Variants in RABGAP1L observed in about 807,000 individuals in gnomAD.
The protein encoded by RABGAP1L is rab GTPase-activating protein 1-like.
A neutral mutation model predicts 137.7 loss-of-function variants in RABGAP1L; 63 were observed. That is an observed-to-expected ratio of 0.46 (90% CI 0.37 to 0.56). The LOEUF (loss-of-function observed/expected upper bound fraction) is 0.56. Ranked by LOEUF, RABGAP1L falls within the 20% of genes least tolerant of loss-of-function variation. RABGAP1L has a pLI of 0.00. For synonymous variants in RABGAP1L, 431 were observed against 433.7 expected (o/e 0.99, Z 0.08); for missense variants, 1,095 against 1,244.0 (o/e 0.88, Z 1.80).
intron 20 of RABGAP1L, among the ~76,000 whole-genome samples, chr1:174,960,352 T>G (rs1668978925): frequency 6.6e-6 from 1 of 152,232 alleles, no homozygotes; most frequent in Admixed American, 6.5e-5. Flanking sequence ...GTCATACTTC[T>G]TGCTACATCT....
At chr1:174,173,293 G>T (rs1278633256) in intron 1 of RABGAP1L, among the ~76,000 whole-genome samples, 9 of 151,872 alleles carry the variant, frequency 5.9e-5, no homozygotes, top group Non-Finnish European at 4.4e-5. Flanking sequence ...ACCATGCCCG[G>T]CTAGTTTTGT....
chr1:174,474,102 C>T (rs539217397), intron 13 of RABGAP1L, among the ~76,000 whole-genome samples: 1 of 152,172 alleles, frequency 6.6e-6, no homozygotes, highest in Non-Finnish European at 1.5e-5. Flanking sequence ...AATTTTAGAT[C>T]CTCAGTGCTT....
At chr1:174,547,473 T>C (rs1267465233) in intron 13 of RABGAP1L, among the ~76,000 whole-genome samples, 4 of 152,058 alleles carry the variant, frequency 2.6e-5, no homozygotes, top group Non-Finnish European at 5.9e-5. Flanking sequence ...AAAAATTAGC[T>C]GGATGTGATA....
intron 11 of RABGAP1L, among the ~76,000 whole-genome samples, chr1:174,327,856 C>A (rs893461324): frequency 6.7e-6 from 1 of 150,052 alleles, no homozygotes; most frequent in Non-Finnish European, 1.5e-5. Context: ...ATATTTCTAT[C>A]TGATAAATGG....
chr1:174,719,352 C>T (rs1181564299), intron 17 of RABGAP1L, among the ~76,000 whole-genome samples: 2 of 152,108 alleles, frequency 1.3e-5, no homozygotes, highest in East Asian at 3.9e-4. Context: ...AACTGTCTTC[C>T]TATCTTCAAC....
At position 174,246,900 on chromosome 1, in the gene RABGAP1L, A is replaced by G. The variant is rs76464348; in HGVS notation, c.718-3575A>G. On this transcript the variant is annotated intron_variant, in intron 5 of 25. Coordinates refer to ENST00000681986, the MANE Select transcript of RABGAP1L (RefSeq NM_001366446.1). ...TTATTCACAGACTCTAGAATTCACA[A>G]TATATTTTAACTCTTTTGGTAGAAA... Among the ~76,000 whole-genome samples, 48 of 152,332 alleles carry G rather than the reference A, an allele frequency of 3.2e-4. No homozygotes were observed. The East Asian group carries it at 8.9e-3, about 28-fold the overall frequency.
At chr1:174,494,865 C>A (rs926189548) in intron 13 of RABGAP1L, among the ~76,000 whole-genome samples, 1 of 152,130 alleles carries the variant, frequency 6.6e-6, no homozygotes, top group African/African-American at 2.4e-5. Flanking sequence ...GGAATATACA[C>A]AAACAAGTCA....
chr1:174,994,826 T>C lies in RABGAP1L; in HGVS notation c.*4825T>C, dbSNP rs1672274734. The stretch of plus-strand genomic sequence containing the variant: ...TTCCTTTCTTTCTAACTCCTACCTT[T>C]CCCTTGCAGAGGAGGTAGTAGAGAT... On this transcript the variant is annotated 3_prime_UTR_variant, in exon 26 of 26. Transcript: ENST00000681986. The C allele has an allele frequency of 6.6e-6, 1 of 152,216 alleles. No individual in the cohort carries two copies. Among genetic ancestry groups the C allele is most frequent in the South Asian group, 2.1e-4 (1 of 4,824 alleles). 9.4% of individuals were successfully genotyped at this position (152,216 alleles called of 1,614,324 possible).
intron 13 of RABGAP1L, chr1:174,449,331 TTC>T (rs1655165597): frequency 1.3e-6 from 1 of 749,956 alleles, no homozygotes. Flanking sequence ...GACTAAAGGT[TTC>T]TCTCTTTTTT....
At chr1:174,938,445 A>G (rs1388841317) in intron 19 of RABGAP1L, 1 of 152,022 alleles carries the variant, frequency 6.6e-6, no homozygotes, top group African/African-American at 2.4e-5. Context: ...TTCCACACCC[A>G]CCATTTGGAG....
At chr1:174,964,706 G>A (rs968966314) in intron 20 of RABGAP1L, 69 of 953,912 alleles carry the variant, frequency 7.2e-5, no homozygotes, top group Non-Finnish European at 9.6e-5. Context: ...ACAGCAATGT[G>A]GAGAGGGAGG....
intron 15 of RABGAP1L, among the ~76,000 whole-genome samples, chr1:174,697,333 C>G (rs1252961562): frequency 6.7e-6 from 1 of 149,972 alleles, no homozygotes; most frequent in East Asian, 2.0e-4. Flanking sequence ...TTTTTTTTCT[C>G]TCTCTCTTTT....
intron 13 of RABGAP1L, among the ~76,000 whole-genome samples, chr1:174,528,584 G>T (rs1315257970): frequency 1.2e-4 from 16 of 133,818 alleles, no homozygotes; most frequent in Middle Eastern, 3.9e-3. Flanking sequence ...TAGTCTGATG[G>T]TTTTTTTTTT....
At chr1:174,614,489 T>A (rs1004086446) in intron 13 of RABGAP1L, among the ~76,000 whole-genome samples, 1 of 152,214 alleles carries the variant, frequency 6.6e-6, no homozygotes, top group Non-Finnish European at 1.5e-5. Context: ...AACCCAACCT[T>A]CCTCTCTGGC....
chr1:174,675,874 C>T (rs1336778952), intron 14 of RABGAP1L, among the ~76,000 whole-genome samples: 1 of 152,084 alleles, frequency 6.6e-6, no homozygotes, highest in East Asian at 1.9e-4. Context: ...TGTCATTATC[C>T]TTTTGTGAAA....
At chr1:174,952,364 A>AAAAAAAAAAAAT (rs781315054) in intron 19 of RABGAP1L, among the ~76,000 whole-genome samples, 1 of 146,356 alleles carries the variant, frequency 6.8e-6, no homozygotes, top group Non-Finnish European at 1.5e-5. Flanking sequence ...AAAAAAAAAA[A>AAAAAAAAAAAAT]GCTAGGCATG....
chr1:174,911,201 A>G (rs891654678), intron 19 of RABGAP1L, among the ~76,000 whole-genome samples: 1 of 152,176 alleles, frequency 6.6e-6, no homozygotes, highest in Non-Finnish European at 1.5e-5. Context: ...CTTATCAGCT[A>G]TATGACACAG....
chr1:174,952,339 CA>C (rs59406597), intron 19 of RABGAP1L, among the ~76,000 whole-genome samples: 1,355 of 31,708 alleles, frequency 0.043, 9 homozygotes, highest in East Asian at 0.26. Context: ...CTGGCTCTAC[CA>C]AAAAAAAAAA....
intron 22 of RABGAP1L, 41 bp downstream of exon 22, chr1:174,976,223 G>A (rs1227121295): frequency 1.4e-6 from 2 of 1,442,436 alleles, no homozygotes; most frequent in South Asian, 1.2e-5. Context: ...ACAAAGGTAT[G>A]TTGGTAGGGA....
Sources: gnomAD v4.1 joint callset for allele counts (sites outside exome capture counted in the v4.1 genomes callset) on GRCh38, gnomAD v4.1.1 for gene constraint, MANE v1.5 for transcripts, NCBI Gene and HGNC (gene_info 2026-07-23, HGNC 2026-07-21) for gene names.